Variants in TNRC18 observed in about 807,000 individuals in gnomAD.
The protein encoded by TNRC18 is trinucleotide repeat containing 18.
A neutral mutation model predicts 226.7 loss-of-function variants in TNRC18; 69 were observed. The ratio of observed to expected loss-of-function variants is 0.30; its 90% confidence interval spans 0.25 to 0.37. TNRC18 has a LOEUF of 0.37. Among genes scored for constraint, TNRC18 ranks in the 10% least tolerant of loss-of-function variants. TNRC18 has a pLI of 1.00. For synonymous variants in TNRC18, 2,449 were observed against 1,927.6 expected, an observed-to-expected ratio of 1.27 and a Z score of -7.09; for missense variants, 4,754 against 4,256.6, an observed-to-expected ratio of 1.12 and a Z score of -3.25.
chr7:5,404,552 G>A (rs55839737), intron 2 of TNRC18, among the ~76,000 whole-genome samples: 10,623 of 152,100 alleles, frequency 0.07, 534 homozygotes, highest in Non-Finnish European at 0.11. Flanking sequence ...TAGCTGCCCG[G>A]GAAGGATGAG....
intron 17 of TNRC18, among the ~76,000 whole-genome samples, chr7:5,347,727 C>A (rs1196708786): frequency 6.6e-6 from 1 of 151,668 alleles, no homozygotes. Context: ...GAGGCCAAGG[C>A]ATGTGGATCA....
chr7:5,384,430 A>G (rs952251953), intron 5 of TNRC18, among the ~76,000 whole-genome samples: 5 of 152,140 alleles, frequency 3.3e-5, no homozygotes, highest in African/African-American at 1.2e-4. Context: ...TTCAAACATC[A>G]GCACCAACAG....
intron 19 of TNRC18, among the ~76,000 whole-genome samples, chr7:5,328,743 C>T (rs941870091): frequency 6.6e-6 from 1 of 151,926 alleles, no homozygotes; most frequent in African/African-American, 2.4e-5. Context: ...AACTCCTGAC[C>T]TCGTGATCCA....
chr7:5,354,186 AC>A (rs1255305826), intron 16 of TNRC18, among the ~76,000 whole-genome samples: 3 of 152,046 alleles, frequency 2.0e-5, no homozygotes, highest in Non-Finnish European at 4.4e-5. Flanking sequence ...CTGGGCAAAA[AC>A]AGCAAAACTC....
chr7:5,416,496 TG>T (rs1301467727), intron 2 of TNRC18, among the ~76,000 whole-genome samples: 1 of 151,964 alleles, frequency 6.6e-6, no homozygotes, highest in Non-Finnish European at 1.5e-5. Context: ...TGAGGCAGGA[TG>T]ATCTCTTGAG....
intron 18 of TNRC18, among the ~76,000 whole-genome samples, chr7:5,342,076 C>T (rs1030377493): frequency 2.0e-5 from 3 of 152,282 alleles, no homozygotes; most frequent in African/African-American, 4.8e-5. Context: ...ACAGCTGCCA[C>T]GGATGATGAT....
chr7:5,347,753 G>C (rs540041482), intron 17 of TNRC18, among the ~76,000 whole-genome samples: 1 of 151,784 alleles, frequency 6.6e-6, no homozygotes, highest in Non-Finnish European at 1.5e-5. Context: ...TCAGGAGTTC[G>C]AGACCAGCCT....
At chr7:5,402,915 G>C (rs971559892) in intron 2 of TNRC18, among the ~76,000 whole-genome samples, 1 of 151,902 alleles carries the variant, frequency 6.6e-6, no homozygotes, top group Non-Finnish European at 1.5e-5. Context: ...GCTGGAGGAA[G>C]GGTGCCCAGG....
At chr7:5,380,812 G>T (rs1779346281) in intron 5 of TNRC18, among the ~76,000 whole-genome samples, 2 of 152,194 alleles carry the variant, frequency 1.3e-5, no homozygotes, top group South Asian at 4.1e-4. Context: ...GCTGTGCTGA[G>T]AAATCGAGTC....
intron 2 of TNRC18, among the ~76,000 whole-genome samples, chr7:5,414,846 T>C (rs73333867): frequency 0.037 from 5,624 of 152,324 alleles, 326 homozygotes; most frequent in African/African-American, 0.13. Flanking sequence ...GTTTTGTCAA[T>C]TGTCCCAATG....
In TNRC18 at chr7:5,423,743, C is replaced by T. The variant is rs1253588568; in HGVS notation, c.-546G>A. 6.6e-6 allele frequency among the ~76,000 whole-genome samples: 1 copy of T among 151,802 alleles called. No individual in the cohort carries two copies. The highest frequency in any genetic ancestry group is 1.5e-5 in the Non-Finnish European group (1 of 67,936). The stretch of plus-strand genomic sequence containing the variant: ...GCTTTTTAATAAAATCCAGGTAGCG[C>T]CGGTTTAAAGAATCCCAAATCTCCA... On this transcript the variant is annotated 5_prime_UTR_variant, in exon 1 of 30. Coordinates refer to ENST00000430969, the MANE Select transcript of TNRC18 (RefSeq NM_001080495.3).
At position 5,333,055 on chromosome 7, in the gene TNRC18, C is replaced by T. The variant is rs1198421032; in HGVS notation, c.5720-6G>A. 2 of 1,568,950 alleles carry T rather than the reference C, an allele frequency of 1.3e-6. 1 individual carries two copies. The highest frequency in any genetic ancestry group is 2.3e-5 in the South Asian group (2 of 86,706). ...GGTGTACTCGAACTCTGTGCCTGAA[C>T]GCGGGAGGAGGGCGTGCTGGTCACA... is the stretch of plus-strand genomic sequence containing the variant. On this transcript the variant is annotated splice_polypyrimidine_tract_variant and splice_region_variant and intron_variant, in intron 18 of 29. Transcript: ENST00000430969.
Position 5,370,907 on chromosome 7 carries a change from C to A in TNRC18, c.3687G>T (p.Arg1229=), listed in dbSNP as rs979619055. The A allele has an allele frequency of 1.1e-5, 18 of 1,605,880 alleles. No homozygotes were observed. Among genetic ancestry groups the A allele is most frequent in the African/African-American group, 2.7e-5 (2 of 74,930 alleles). ...CPDFVEGPEP[R]VDSPGRTEPC... Reference sequence around the variant, plus strand: ...GTTCTGTCCGGCCCGGGGAATCCACCCGTGGTTCAGGCCCCTCCACAAAGT... The same window carrying A: ...GTTCTGTCCGGCCCGGGGAATCCACACGTGGTTCAGGCCCCTCCACAAAGT... Residue 1229 remains arginine, a synonymous_variant, in exon 11 of 30, where the codon CGG becomes CGT. Coordinates refer to ENST00000430969, the MANE Select transcript of TNRC18 (RefSeq NM_001080495.3).
At position 5,312,956 on chromosome 7, in the gene TNRC18, CGAAGAG is replaced by C. The variant is rs757143830; in HGVS notation, c.7929_7934del (p.Ser2670_Ser2671del). On this transcript the variant is annotated inframe_deletion, in exon 27 of 30. Transcript: ENST00000430969. The surrounding 1 kb of genome is among the most constrained non-coding windows in gnomAD (Gnocchi z 6.3). ...AGGAGGAGGAGGAAGAGGAGGAAGA[CGAAGAG>C]GAAGAGGAGGAGGAGGAAGAGGAGG... The C allele has an allele frequency of 1.1e-3, 1,307 of 1,241,812 alleles. 7 individuals carry two copies. The African/African-American group carries it at 0.018, about 17-fold the overall frequency. The allele number at this position is 1,241,812 out of a possible 1,614,324, so 76.9% of individuals were successfully genotyped here.
chr7:5,339,540 A>AGTGTGT (rs1562514144), intron 18 of TNRC18, among the ~76,000 whole-genome samples: 5 of 95,412 alleles, frequency 5.2e-5, no homozygotes, highest in African/African-American at 1.9e-4. Context: ...GTGCCCAGCC[A>AGTGTGT]ATGTGTGTGT....
At chr7:5,390,342 T>C (rs745577391) in intron 4 of TNRC18, 143 bp downstream of exon 4, 217 of 896,566 alleles carry the variant, frequency 2.4e-4, no homozygotes, top group Non-Finnish European at 3.2e-4. Context: ...CTGGGCAACA[T>C]AGTGAGACCC....
At chr7:5,319,439 C>G (rs1468401580) in intron 24 of TNRC18, among the ~76,000 whole-genome samples, 3 of 152,172 alleles carry the variant, frequency 2.0e-5, no homozygotes, top group African/African-American at 7.2e-5. Context: ...ATTTGACTGT[C>G]TTTCTTGCCT....
rs5882053 is a variant in TNRC18, at chr7:5,318,603, A to AACAC, written c.6745+1711_6745+1714dup. On this transcript the variant is annotated intron_variant, in intron 24 of 29. Transcript: ENST00000430969. ...CTCTGCAGATACCCAGCATGATGAGAACACACACACACACACACGGAATTC... is the reference window on the plus strand; with the variant it reads ...CTCTGCAGATACCCAGCATGATGAGAACACACACACACACACACACACGGAATTC... Among the ~76,000 whole-genome samples, 241 of 151,078 alleles carry AACAC rather than the reference A, an allele frequency of 1.6e-3. 1 individual carries two copies. The highest frequency in any genetic ancestry group is 5.5e-3 in the African/African-American group (226 of 41,154).
chr7:5,316,389 C>T (rs1463685092), intron 24 of TNRC18, among the ~76,000 whole-genome samples: 1 of 146,624 alleles, frequency 6.8e-6, no homozygotes, highest in Admixed American at 7.3e-5. Flanking sequence ...AAGTGATTCT[C>T]CTGCCTCGGC....
Sources: allele counts gnomAD v4.1 joint callset (sites outside exome capture counted in the v4.1 genomes callset), GRCh38; gene constraint gnomAD v4.1.1; non-coding constraint Gnocchi (gnomAD v3.1); transcripts MANE v1.5; gene names NCBI Gene and HGNC (gene_info 2026-07-23, HGNC 2026-07-21).